SUGCT: variants seen among roughly 807,000 people sequenced by gnomAD.
The protein encoded by SUGCT is succinyl-CoA:glutarate-CoA transferase, also known as succinyl-CoA:glutarate CoA-transferase.
SUGCT carries 41 observed loss-of-function variants against 55.0 expected under a neutral mutation model. The observed-to-expected ratio is 0.74, with a 90% CI of 0.58 to 0.97. The LOEUF (loss-of-function observed/expected upper bound fraction) is 0.97, where lower values mean the gene tolerates loss of function less well. Ranked by LOEUF, SUGCT falls within the 50% of genes least tolerant of loss-of-function variation. The pLI is 0.00. For synonymous variants in SUGCT, 187 were observed against 200.4 expected, an observed-to-expected ratio of 0.93 and a Z score of 0.56; for missense variants, 568 against 547.8, an observed-to-expected ratio of 1.04 and a Z score of -0.37.
intron 12 of SUGCT, among the ~76,000 whole-genome samples, chr7:40,632,915 T>G (rs1799853500): frequency 1.3e-5 from 2 of 152,210 alleles, no homozygotes; most frequent in African/African-American, 2.4e-5. Context: ...CAGACTCTAT[T>G]ATAAAGAGGT....
chr7:40,540,878 G>T (rs1201104620), intron 12 of SUGCT, among the ~76,000 whole-genome samples: 1 of 152,188 alleles, frequency 6.6e-6, no homozygotes, highest in Non-Finnish European at 1.5e-5. Context: ...AGTTCAGCTG[G>T]CCAAGGGAAG....
chr7:40,432,473 G>T (rs1459966718), intron 9 of SUGCT, among the ~76,000 whole-genome samples: 1 of 152,022 alleles, frequency 6.6e-6, no homozygotes, highest in Admixed American at 6.6e-5. Context: ...AGATCACGAG[G>T]TCAGGAGTTT....
chr7:40,566,359 G>T lies in SUGCT; in HGVS notation c.1089+69973G>T, dbSNP rs978520796. ...TATGGCTCTGCTGTTATTTTTACAT[G>T]GTGTTAATGTGTTCCTGACATATTT... On this transcript the variant is annotated intron_variant, in intron 12 of 13. Transcript: ENST00000335693. Among the ~76,000 whole-genome samples the T allele has an allele frequency of 2.0e-5, 3 of 152,248 alleles. No individual in the cohort carries two copies. In the East Asian group the frequency reaches 5.8e-4, roughly 29 times the overall value.
At chr7:40,868,534 T>C in the SUGCT span, among the ~76,000 whole-genome samples, 1 of 152,194 alleles carries the variant, frequency 6.6e-6, no homozygotes, top group Non-Finnish European at 1.5e-5. Flanking sequence ...GACACCAAGA[T>C]AGCCTTGTGA....
the SUGCT span, among the ~76,000 whole-genome samples, chr7:40,890,453 C>T: frequency 6.8e-6 from 1 of 147,226 alleles, no homozygotes; most frequent in Non-Finnish European, 1.5e-5. Flanking sequence ...GTCCCATGCT[C>T]TTGGCTCACC....
intron 12 of SUGCT, among the ~76,000 whole-genome samples, chr7:40,689,646 T>C (rs1041177315): frequency 6.6e-5 from 10 of 152,148 alleles, no homozygotes; most frequent in African/African-American, 2.4e-4. Flanking sequence ...GCAAATGAGA[T>C]GAAACCATGG....
At chr7:40,883,726 G>A in the SUGCT span, among the ~76,000 whole-genome samples, 1 of 152,168 alleles carries the variant, frequency 6.6e-6, no homozygotes, top group East Asian at 1.9e-4. Context: ...CTGTTTTAAT[G>A]TATGAATTTT....
chr7:40,787,993 A>T (rs914543335), intron 13 of SUGCT, among the ~76,000 whole-genome samples: 9 of 151,988 alleles, frequency 5.9e-5, no homozygotes, highest in Admixed American at 3.9e-4. Context: ...ACCAGGGGGG[A>T]AAGCCTGGAC....
chr7:40,539,348 G>A (rs1176355699), intron 12 of SUGCT: 1 of 152,068 alleles, frequency 6.6e-6, no homozygotes, highest in Admixed American at 6.5e-5. Context: ...TGATAAAAGA[G>A]CAATAGGAAA....
At chr7:41,037,198 G>A in the SUGCT span, among the ~76,000 whole-genome samples, 1 of 152,066 alleles carries the variant, frequency 6.6e-6, no homozygotes, top group African/African-American at 2.4e-5. Context: ...GCCAACCAAG[G>A]GCATTTGTCT....
At chr7:40,709,828 T>G (rs1260886553) in intron 12 of SUGCT, among the ~76,000 whole-genome samples, 2 of 152,150 alleles carry the variant, frequency 1.3e-5, no homozygotes, top group African/African-American at 4.8e-5. Context: ...TACATACATA[T>G]TGTGGGGCTT....
In SUGCT at chr7:40,496,341, G is replaced by C; in HGVS notation, c.1044G>C (p.Pro348=). The change falls in exon 12 of 14, where the codon CCG becomes CCC. Residue 348 remains proline, a synonymous_variant. Coordinates refer to ENST00000335693, the MANE Select transcript of SUGCT (RefSeq NM_001193313.2). ...WLYLFEGSGV[P]YGPINNMKNV... ...ATCTTTTTGAAGGCAGTGGAGTCCC[G>C]TATGGCCCAATCAACAACATGAAGA... The C allele has an allele frequency of 5.0e-6, 8 of 1,613,044 alleles. No individual in the cohort carries two copies. Among genetic ancestry groups the C allele is most frequent in the Non-Finnish European group, 6.8e-6 (8 of 1,179,370 alleles).
chr7:40,339,184 C>A (rs1354312104), intron 9 of SUGCT, among the ~76,000 whole-genome samples: 3 of 152,172 alleles, frequency 2.0e-5, no homozygotes, highest in Non-Finnish European at 4.4e-5. Flanking sequence ...AGTTAGGCTA[C>A]TCAGGGATCA....
Position 40,186,065 on chromosome 7 carries a change from TTTTC to T in SUGCT, c.227-2416_227-2413del, listed in dbSNP as rs757559932. Among the ~76,000 whole-genome samples, 366 of 151,604 alleles carry T rather than the reference TTTTC, an allele frequency of 2.4e-3. 1 individual carries two copies. Among genetic ancestry groups the T allele is most frequent in the Non-Finnish European group, 4.4e-3 (298 of 67,928 alleles). On this transcript the variant is annotated intron_variant, in intron 3 of 13. Transcript: ENST00000335693. ...TCAATTACATAAAATTTGGTTGTTG[TTTTC>T]TTTCTTTCTTTCTCTCTTTTTCTTC...
rs114410208 is a variant in SUGCT at position 40,550,839 on chromosome 7, A to G, written c.1089+54453A>G. On this transcript the variant is annotated intron_variant, in intron 12 of 13. Transcript: ENST00000335693. ...GCTCTAGATGTTTTTCAGAGTTCACATACATTTCATCTTTGTTCTTCAGGA... is the reference window on the plus strand; with the variant it reads ...GCTCTAGATGTTTTTCAGAGTTCACGTACATTTCATCTTTGTTCTTCAGGA... 1.6e-3 allele frequency among the ~76,000 whole-genome samples: 244 copies of G among 152,214 alleles called. 1 individual carries two copies. The highest frequency in any genetic ancestry group is 5.7e-3 in the African/African-American group (238 of 41,520).
rs1297417361 is a variant in SUGCT, at chr7:40,749,547, C to T, written c.1153+50C>T. The T allele has an allele frequency of 5.5e-6, 8 of 1,444,242 alleles. No homozygotes were observed. The African/African-American group carries it at 9.8e-5, about 18-fold the overall frequency. The allele number at this position is 1,444,242 out of a possible 1,614,324, so 89.5% of individuals were successfully genotyped here. A position where few individuals can be genotyped will look rare whatever the true frequency, so the allele number is the denominator to read the frequency against. ...CTAGCACCTTTCTTTATTAATTGTC[C>T]CATATGCTGTTTACTACAGGTAGCT... On this transcript the variant is annotated intron_variant, in intron 13 of 13. Coordinates refer to ENST00000335693, the MANE Select transcript of SUGCT (RefSeq NM_001193313.2).
intron 7 of SUGCT, among the ~76,000 whole-genome samples, chr7:40,241,935 A>AAC (rs1450804262): frequency 1.3e-4 from 20 of 149,868 alleles, no homozygotes; most frequent in African/African-American, 4.9e-4. Context: ...AAAAAAAAAA[A>AAC]CCGTCTTTAT....
chr7:40,808,646 G>A (rs1437483522), intron 13 of SUGCT, among the ~76,000 whole-genome samples: 1 of 152,190 alleles, frequency 6.6e-6, no homozygotes, highest in Non-Finnish European at 1.5e-5. Flanking sequence ...ATTCCTCCAA[G>A]GGCCTTTTGA....
intron 8 of SUGCT, among the ~76,000 whole-genome samples, chr7:40,299,337 G>A (rs909939502): frequency 2.0e-5 from 3 of 152,162 alleles, no homozygotes; most frequent in Non-Finnish European, 2.9e-5. Context: ...GTGACATTGT[G>A]ATCCCAGTGC....
Sources: allele counts gnomAD v4.1 joint callset (sites outside exome capture counted in the v4.1 genomes callset), GRCh38; gene constraint gnomAD v4.1.1; transcripts MANE v1.5; gene names NCBI Gene and HGNC (gene_info 2026-07-23, HGNC 2026-07-21).